Variants in THSD4 observed in about 807,000 individuals in gnomAD.
The protein encoded by THSD4 is thrombospondin type-1 domain-containing protein 4.
A neutral mutation model predicts 119.0 loss-of-function variants in THSD4; 69 were observed. The observed-to-expected ratio is 0.58, with a 90% CI of 0.48 to 0.71. The LOEUF is 0.71. Ranked by LOEUF, THSD4 falls within the 30% of genes least tolerant of loss-of-function variation. The pLI is 0.00. For missense variants in THSD4, 1,393 were observed against 1,391.1 expected (o/e 1.00, Z -0.02); for synonymous variants, 524 against 540.4 (o/e 0.97, Z 0.42).
At chr15:71,744,910 C>G (rs562646619) in intron 11 of THSD4, among the ~76,000 whole-genome samples, 196 bp from the exon 12 acceptor site, 1 of 152,270 alleles carries the variant, frequency 6.6e-6, no homozygotes, top group Admixed American at 6.5e-5. Context: ...CCCCACAGTT[C>G]CTAGCAAAGA....
rs557726424 is a variant in THSD4, at chr15:71,542,193, A to C, written c.1153-118337A>C. On this transcript the variant is annotated intron_variant, in intron 7 of 17. Coordinates refer to ENST00000261862, the MANE Select transcript of THSD4 (RefSeq NM_024817.3). Reference sequence around the variant, plus strand: ...TGCAGTAATAATTACTGCAGGCAAGATCTACAGATGAGTATTAAAATTAGC... The same window carrying C: ...TGCAGTAATAATTACTGCAGGCAAGCTCTACAGATGAGTATTAAAATTAGC... Among the ~76,000 whole-genome samples, 5 of 152,308 alleles carry C rather than the reference A, an allele frequency of 3.3e-5. No individual in the cohort carries two copies. The East Asian group carries it at 9.6e-4, about 29-fold the overall frequency.
At chr15:71,518,310 G>A (rs920518261) in intron 7 of THSD4, among the ~76,000 whole-genome samples, 1 of 149,008 alleles carries the variant, frequency 6.7e-6, no homozygotes, top group Admixed American at 6.8e-5. Flanking sequence ...ATTTTTATCT[G>A]TCAGCTTTAA....
At chr15:71,752,601 C>G (rs1269681254) in intron 14 of THSD4, among the ~76,000 whole-genome samples, 1 of 152,160 alleles carries the variant, frequency 6.6e-6, no homozygotes, top group Non-Finnish European at 1.5e-5. Context: ...CGCACATTGG[C>G]TTTGGTATCA....
chr15:71,724,287 A>ATATATATATATATATATATATTTTTT, intron 8 of THSD4, among the ~76,000 whole-genome samples: 5 of 37,282 alleles, frequency 1.3e-4, no homozygotes, highest in East Asian at 1.8e-3. Flanking sequence ...ATATATATAT[A>ATATATATATATATATATATATTTTTT]TTTTTTTTTT....
chr15:71,506,403 T>C (rs1264029861), intron 7 of THSD4, among the ~76,000 whole-genome samples: 1 of 152,204 alleles, frequency 6.6e-6, no homozygotes, highest in Admixed American at 6.5e-5. Flanking sequence ...CTTCCCCATG[T>C]ACTGTCAAGA....
At chr15:71,631,284 G>T (rs943511701) in intron 7 of THSD4, among the ~76,000 whole-genome samples, 1 of 152,170 alleles carries the variant, frequency 6.6e-6, no homozygotes, top group Non-Finnish European at 1.5e-5. Context: ...GTGATTCTAG[G>T]ATACACTCAG....
In THSD4 at chr15:71,521,709, T is replaced by G. The variant is rs541939766; in HGVS notation, c.1152+109886T>G. On this transcript the variant is annotated intron_variant, in intron 7 of 17. Coordinates refer to ENST00000261862, the MANE Select transcript of THSD4 (RefSeq NM_024817.3). ...CATTAACCTGTAGATCAGTTTGGGG[T>G]TTTTTTTGACTCACCTGGTGGATCA... Among the ~76,000 whole-genome samples the G allele has an allele frequency of 3.5e-5, 5 of 141,426 alleles. No individual in the cohort carries two copies. The South Asian group carries it at 7.2e-4, about 20-fold the overall frequency. 92.8% of individuals were successfully genotyped at this position (141,426 alleles called of 152,430 possible).
chr15:71,762,338 T>A (rs1231277344), intron 15 of THSD4, among the ~76,000 whole-genome samples: 1 of 152,232 alleles, frequency 6.6e-6, no homozygotes, highest in African/African-American at 2.4e-5. Flanking sequence ...AGAAGATAAC[T>A]ACAAGTTTTG....
At chr15:71,215,473 G>C (rs1052325098) in intron 4 of THSD4, 74 bp downstream of exon 4, 2 of 1,387,014 alleles carry the variant, frequency 1.4e-6, no homozygotes, top group African/African-American at 1.5e-5. Flanking sequence ...CCCCTGCCTC[G>C]CACGCTGCTC....
In THSD4 at chr15:71,562,586, C is replaced by T. The variant is rs2049143202; in HGVS notation, c.1153-97944C>T. 3.4e-5 allele frequency among the ~76,000 whole-genome samples: 5 copies of T among 147,444 alleles called. 1 individual carries two copies. In the South Asian group the frequency reaches 1.1e-3, roughly 32 times the overall value. ...TGGAAGTGTAGCAGAAAAGCAGGAA[C>T]CTGAGAACTGCCAGGGCCTAAATGT... On this transcript the variant is annotated intron_variant, in intron 7 of 17. Coordinates refer to ENST00000261862, the MANE Select transcript of THSD4 (RefSeq NM_024817.3).
chr15:71,777,097 C>A, intron 17 of THSD4, 135 bp from the exon 18 acceptor site: 1 of 969,326 alleles, frequency 1.0e-6, no homozygotes, highest in Non-Finnish European at 1.6e-6. Context: ...GAGCCCTTGG[C>A]ACACATTCAT....
At chr15:71,725,664 C>T (rs2052818940) in intron 8 of THSD4, among the ~76,000 whole-genome samples, 1 of 151,976 alleles carries the variant, frequency 6.6e-6, no homozygotes, top group African/African-American at 2.4e-5. Context: ...CTGGGAAACA[C>T]CCATTGGATT....
intron 7 of THSD4, among the ~76,000 whole-genome samples, chr15:71,584,809 C>T (rs553121209): frequency 5.1e-4 from 78 of 152,112 alleles, no homozygotes; most frequent in African/African-American, 1.7e-3. Flanking sequence ...TGCAATTTGA[C>T]AATTTTTTGA....
intron 7 of THSD4, among the ~76,000 whole-genome samples, chr15:71,443,754 C>T (rs1020701133): frequency 6.6e-6 from 1 of 152,178 alleles, no homozygotes; most frequent in Admixed American, 6.5e-5. Flanking sequence ...GACCCCATTC[C>T]CTCTACAACA....
At position 71,404,717 on chromosome 15, in the gene THSD4, TG is replaced by T. The variant is rs150784851; in HGVS notation, c.1016-6969del. ...GTAAGCTCCCTTGCCTCTTCTGATATGCGAGGATAACAGCAACAAGGTGCCA... is the reference window on the plus strand; with the variant it reads ...GTAAGCTCCCTTGCCTCTTCTGATATCGAGGATAACAGCAACAAGGTGCCA... On this transcript the variant is annotated intron_variant, in intron 6 of 17. Coordinates refer to ENST00000261862, the MANE Select transcript of THSD4 (RefSeq NM_024817.3). Among the ~76,000 whole-genome samples the T allele has an allele frequency of 8.5e-4, 130 of 152,326 alleles. 1 individual carries two copies. The East Asian group carries it at 0.022, about 25-fold the overall frequency.
intron 7 of THSD4, among the ~76,000 whole-genome samples, chr15:71,480,043 T>C (rs1479316610): frequency 6.6e-6 from 1 of 152,140 alleles, no homozygotes; most frequent in Non-Finnish European, 1.5e-5. Context: ...TTCCTTCCTT[T>C]CTTTCTTTCC....
intron 7 of THSD4, among the ~76,000 whole-genome samples, chr15:71,647,184 C>G (rs181420778): frequency 6.6e-6 from 1 of 152,254 alleles, no homozygotes; most frequent in African/African-American, 2.4e-5. Context: ...GTTTATGTGT[C>G]CTAAATATTT....
intron 7 of THSD4, among the ~76,000 whole-genome samples, chr15:71,588,447 G>A (rs2049730355): frequency 6.6e-6 from 1 of 151,056 alleles, no homozygotes; most frequent in Non-Finnish European, 1.5e-5. Flanking sequence ...TTCTGAGACA[G>A]GGTCTCACTC....
At chr15:71,515,951 T>C (rs1401438802) in intron 7 of THSD4, among the ~76,000 whole-genome samples, 2 of 152,172 alleles carry the variant, frequency 1.3e-5, no homozygotes, top group East Asian at 3.9e-4. Flanking sequence ...AGAGGACACA[T>C]GCTCTATGTT....
Sources: allele counts gnomAD v4.1 joint callset (sites outside exome capture counted in the v4.1 genomes callset), GRCh38; gene constraint gnomAD v4.1.1; transcripts MANE v1.5; gene names NCBI Gene and HGNC (gene_info 2026-07-23, HGNC 2026-07-21).